The following SEC22C variants were observed in gnomAD, a reference collection of about 807,000 sequenced individuals.
SEC22C encodes the protein vesicle-trafficking protein SEC22c.
A neutral mutation model predicts 34.7 loss-of-function variants in SEC22C; 29 were observed. The observed-to-expected ratio is 0.84, with a 90% confidence interval of 0.62 to 1.14. SEC22C has a LOEUF of 1.14. Ranked by LOEUF, SEC22C falls within the 50% of genes most tolerant of loss-of-function variation. The pLI is 0.00. For missense variants in SEC22C, 337 were observed against 369.0 expected, an observed-to-expected ratio of 0.91 and a Z score of 0.71; for synonymous variants, 117 against 132.8, an observed-to-expected ratio of 0.88 and a Z score of 0.82.
Position 42,552,465 on chromosome 3 carries a change from T to C in SEC22C, c.*783A>G, listed in dbSNP as rs1407962351. On this transcript the variant is annotated 3_prime_UTR_variant, in exon 7 of 7. Transcript: ENST00000264454. ...TAAGTAATCCTGAAATTCTCATTTCTGCTCATGCTGACAAACTTATCATCT... is the reference window on the plus strand; with the variant it reads ...TAAGTAATCCTGAAATTCTCATTTCCGCTCATGCTGACAAACTTATCATCT... The C allele has an allele frequency of 1.0e-6, 1 of 984,830 alleles. No homozygotes were observed. Among genetic ancestry groups the C allele is most frequent in the African/African-American group, 1.7e-5 (1 of 57,234 alleles). The allele number at this position is 984,830 out of a possible 1,614,324, so 61.0% of individuals were successfully genotyped here.
chr3:42,577,419 GAA>G, intron 1 of SEC22C, among the ~76,000 whole-genome samples: 1 of 151,926 alleles, frequency 6.6e-6, no homozygotes, highest in Non-Finnish European at 1.5e-5. Context: ...ATTCAACAGT[GAA>G]AAAACACAAA....
In SEC22C at chr3:42,551,039, T is replaced by C. The variant is rs373218261; in HGVS notation, c.*2209A>G. ...ACAAGCCACCGTGCCCAGCTAATTT[T>C]TGTATTTTTAGTAGAGATGGGGTTT... On this transcript the variant is annotated 3_prime_UTR_variant, in exon 7 of 7. Transcript: ENST00000264454. 29 of 871,576 alleles carry C rather than the reference T, an allele frequency of 3.3e-5. No individual in the cohort carries two copies. In the East Asian group the frequency reaches 8.5e-4, roughly 26 times the overall value. The allele number at this position is 871,576 out of a possible 1,614,324, so 54.0% of individuals were successfully genotyped here.
At chr3:42,580,103 T>C (rs1193455449) in intron 1 of SEC22C, among the ~76,000 whole-genome samples, 3 of 152,314 alleles carry the variant, frequency 2.0e-5, no homozygotes, top group South Asian at 2.1e-4. Context: ...GCTCATGTCA[T>C]AGATTATCTC....
chr3:42,582,574 G>T (rs550078702), upstream of SEC22C, among the ~76,000 whole-genome samples: 1 of 152,250 alleles, frequency 6.6e-6, no homozygotes, highest in Admixed American at 6.5e-5. Context: ...TGTGCCAGGG[G>T]TTGTGGACAA....
upstream of SEC22C, among the ~76,000 whole-genome samples, chr3:42,585,496 T>C (rs935381022): frequency 6.6e-6 from 1 of 152,212 alleles, no homozygotes; most frequent in Non-Finnish European, 1.5e-5. Flanking sequence ...CTGAATTCCT[T>C]TCATGGTTTC....
At chr3:42,589,068 G>A (rs1313977780) in intron 1 of SEC22C, among the ~76,000 whole-genome samples, 4 of 151,796 alleles carry the variant, frequency 2.6e-5, no homozygotes, top group Admixed American at 1.3e-4. Flanking sequence ...TTCAAGACTA[G>A]CCTGACCAAT....
rs767627993 is a variant in SEC22C, at chr3:42,569,022, C to G, written c.25G>C (p.Val9Leu). The G allele has an allele frequency of 6.2e-7, 1 of 1,613,498 alleles. No individual in the cohort carries two copies. The highest frequency in any genetic ancestry group is 8.5e-7 in the Non-Finnish European group (1 of 1,179,846). Residue 9 changes from valine to leucine, a missense_variant, in exon 2 of 7, where the codon GTG becomes CTG. Transcript: ENST00000264454. ...GGCAGTCCATCCCTTACCCGTACCACGCAGGCAAAAAAGATCACGGACATG... is the reference window on the plus strand; with the variant it reads ...GGCAGTCCATCCCTTACCCGTACCAGGCAGGCAAAAAAGATCACGGACATG... MSVIFFAC[V>L]VRVRDGLPLS...
chr3:42,554,682 A>G (rs988165722), intron 6 of SEC22C, among the ~76,000 whole-genome samples: 2 of 152,176 alleles, frequency 1.3e-5, no homozygotes, highest in African/African-American at 4.8e-5. Context: ...TGTATGTGGA[A>G]GAGAAGGAAA....
intron 2 of SEC22C, among the ~76,000 whole-genome samples, chr3:42,568,144 G>A (rs1490793801): frequency 6.6e-6 from 1 of 151,078 alleles, no homozygotes; most frequent in Non-Finnish European, 1.5e-5. Context: ...AAAAGCAAAG[G>A]TATAAATAAA....
chr3:42,556,125 A>C (rs995018170), intron 5 of SEC22C, 130 bp from the exon 6 acceptor site: 1 of 677,422 alleles, frequency 1.5e-6, no homozygotes, highest in Non-Finnish European at 2.6e-6. Context: ...GGTGAGACAC[A>C]AGTTCCTGTT....
At chr3:42,591,296 T>C (rs1043540830) in intron 1 of SEC22C, 1 of 585,922 alleles carries the variant, frequency 1.7e-6, no homozygotes, top group African/African-American at 1.9e-5. Flanking sequence ...CTTCCTGGCT[T>C]CAAGCGAGTC....
At chr3:42,558,485 C>CA (rs769919883) in intron 4 of SEC22C, among the ~76,000 whole-genome samples, 32,094 of 97,528 alleles carry the variant, frequency 0.33, 5,337 homozygotes, top group East Asian at 0.63. Context: ...GACCTTGTCT[C>CA]AAAAAAAAAA....
At chr3:42,576,688 A>T (rs2125722734) in intron 1 of SEC22C, among the ~76,000 whole-genome samples, 1 of 152,208 alleles carries the variant, frequency 6.6e-6, no homozygotes, top group South Asian at 2.1e-4. Context: ...CAAAGCAAAG[A>T]TGTCAATTCT....
chr3:42,563,624 A>T lies in SEC22C; in HGVS notation c.245T>A (p.Met82Lys). 6.2e-7 allele frequency: 1 copy of T among 1,614,204 alleles called. No individual in the cohort carries two copies. The highest frequency in any genetic ancestry group is 8.5e-7 in the Non-Finnish European group (1 of 1,180,014). ...AICSCQCPAA[M>K]AFCFLETLWW... ...CAGGGTCTCCAGGAAGCAGAAGGCC[A>T]TGGCTGCTGGACACTGGCAGGAGCA... Residue 82 changes from methionine (M) to lysine (K), a missense_variant, in exon 3 of 7, where the codon ATG becomes AAG. Met to Lys is a moderately conservative substitution (Grantham distance 95). Transcript: ENST00000264454.
At chr3:42,599,681 G>A (rs927105167) in intron 1 of SEC22C, among the ~76,000 whole-genome samples, 1 of 149,382 alleles carries the variant, frequency 6.7e-6, no homozygotes, top group South Asian at 2.1e-4. Context: ...GACAGAGCGA[G>A]ACTCCGTCTC....
chr3:42,575,375 T>C (rs1450424551), intron 1 of SEC22C, among the ~76,000 whole-genome samples: 1 of 152,226 alleles, frequency 6.6e-6, no homozygotes, highest in Non-Finnish European at 1.5e-5. Context: ...AATTATATAC[T>C]ATCTACATGA....
chr3:42,568,509 C>T (rs988450158), intron 2 of SEC22C, among the ~76,000 whole-genome samples: 4 of 151,728 alleles, frequency 2.6e-5, no homozygotes, highest in Non-Finnish European at 5.9e-5. Flanking sequence ...AGCTGGGCAT[C>T]GTGGCATGTG....
Position 42,551,256 on chromosome 3 carries a change from C to T in SEC22C, c.*1992G>A. On this transcript the variant is annotated 3_prime_UTR_variant, in exon 7 of 7. Transcript: ENST00000264454. ...CCCAGAAAAACTGAAAATTCACCTG[C>T]TGGGTATGCAGAAAATTATGCAGAT... 1 of 985,404 alleles carries T rather than the reference C, an allele frequency of 1.0e-6. No homozygotes were observed. The highest frequency in any genetic ancestry group is 1.7e-5 in the African/African-American group (1 of 57,342). 61.0% of individuals were successfully genotyped at this position (985,404 alleles called of 1,614,324 possible).
intron 6 of SEC22C, among the ~76,000 whole-genome samples, chr3:42,554,826 T>C (rs1702428743): frequency 6.6e-6 from 1 of 152,232 alleles, no homozygotes; most frequent in South Asian, 2.1e-4. Context: ...GAATTAACTC[T>C]GCCTATGAGG....
Sources: allele counts gnomAD v4.1 joint callset (sites outside exome capture counted in the v4.1 genomes callset), GRCh38; gene constraint gnomAD v4.1.1; transcripts MANE v1.5; gene names NCBI Gene and HGNC (gene_info 2026-07-23, HGNC 2026-07-21).